GRM7: variants seen among roughly 807,000 people sequenced by gnomAD.
GRM7 encodes the protein metabotropic glutamate receptor 7.
In GRM7, 35 loss-of-function variants were observed where a neutral mutation model predicts 84.5. The observed-to-expected ratio is 0.41, with a 90% CI of 0.32 to 0.55. GRM7 has a LOEUF of 0.55. GRM7 is among the 20% of genes least tolerant of loss of function. GRM7 has a pLI of 0.19. For synonymous variants in GRM7, 487 were observed against 455.1 expected, an observed-to-expected ratio of 1.07 and a Z score of -0.89; for missense variants, 1,003 against 1,194.6, an observed-to-expected ratio of 0.84 and a Z score of 2.36.
chr3:6,941,316 C>A (rs919121112), intron 1 of GRM7, among the ~76,000 whole-genome samples: 3 of 151,952 alleles, frequency 2.0e-5, no homozygotes, highest in Non-Finnish European at 4.4e-5. Context: ...TATTTTTTAC[C>A]CTTTCTTTAT....
intron 2 of GRM7, among the ~76,000 whole-genome samples, chr3:7,238,967 A>T (rs555654225): frequency 0.022 from 1,733 of 79,106 alleles, no homozygotes; most frequent in Middle Eastern, 0.053. Context: ...TTTTTCTTTT[A>T]TTATTCTTTT....
chr3:7,268,939 A>T (rs749596642), intron 2 of GRM7, among the ~76,000 whole-genome samples: 25 of 152,342 alleles, frequency 1.6e-4, no homozygotes, highest in Middle Eastern at 3.4e-3. Context: ...TTTAACAGAT[A>T]TAGAATTGTT....
At chr3:7,226,060 T>C (rs1696971258) in intron 2 of GRM7, among the ~76,000 whole-genome samples, 1 of 152,204 alleles carries the variant, frequency 6.6e-6, no homozygotes, top group African/African-American at 2.4e-5. Context: ...CTTATTTTAG[T>C]TAATTAATAT....
At chr3:7,540,889 T>C (rs1218320981) in intron 7 of GRM7, among the ~76,000 whole-genome samples, 1 of 152,150 alleles carries the variant, frequency 6.6e-6, no homozygotes, top group South Asian at 2.1e-4. Flanking sequence ...GAAAGAATGA[T>C]AGGTATAGGC....
chr3:7,651,719 G>A (rs1698948258), intron 8 of GRM7, among the ~76,000 whole-genome samples: 1 of 152,204 alleles, frequency 6.6e-6, no homozygotes, highest in South Asian at 2.1e-4. Flanking sequence ...AAGCAGCACT[G>A]TGGGGTTTTG....
At chr3:7,482,084 A>G (rs1163301007) in intron 7 of GRM7, among the ~76,000 whole-genome samples, 2 of 152,156 alleles carry the variant, frequency 1.3e-5, no homozygotes, top group African/African-American at 4.8e-5. Flanking sequence ...GCTACCTGGG[A>G]GGCTGAGGCA....
chr3:7,632,504 C>T (rs1447546227), intron 8 of GRM7, among the ~76,000 whole-genome samples: 2 of 152,174 alleles, frequency 1.3e-5, no homozygotes, highest in Admixed American at 1.3e-4. Context: ...GCTGATGATA[C>T]AAAATCAAAA....
intron 8 of GRM7, among the ~76,000 whole-genome samples, chr3:7,596,621 A>T (rs1025865121): frequency 1.3e-5 from 2 of 152,158 alleles, no homozygotes; most frequent in Admixed American, 6.5e-5. Context: ...AGAGGGAATG[A>T]ACCATTGTTT....
chr3:7,255,294 C>T (rs1698154718), intron 2 of GRM7, among the ~76,000 whole-genome samples: 1 of 152,212 alleles, frequency 6.6e-6, no homozygotes, highest in Non-Finnish European at 1.5e-5. Context: ...GACTCTGGAA[C>T]TGCATTAGGT....
At chr3:6,877,368 G>A (rs1695346988) in intron 1 of GRM7, among the ~76,000 whole-genome samples, 2 of 152,124 alleles carry the variant, frequency 1.3e-5, no homozygotes, top group African/African-American at 2.4e-5. Context: ...TTGTTGACTG[G>A]GATTGATGAT....
At chr3:7,616,719 A>G (rs1697097714) in intron 8 of GRM7, among the ~76,000 whole-genome samples, 1 of 152,152 alleles carries the variant, frequency 6.6e-6, no homozygotes, top group Admixed American at 6.6e-5. Flanking sequence ...AAAGTCCTCA[A>G]TCTTTTGATC....
At chr3:7,235,150 A>C (rs907919734) in intron 2 of GRM7, among the ~76,000 whole-genome samples, 3 of 152,230 alleles carry the variant, frequency 2.0e-5, no homozygotes, top group African/African-American at 7.2e-5. Flanking sequence ...TTACCTTACT[A>C]GTTACTACCA....
chr3:7,229,423 T>G (rs1385958144), intron 2 of GRM7, among the ~76,000 whole-genome samples: 2 of 151,798 alleles, frequency 1.3e-5, no homozygotes, highest in Non-Finnish European at 2.9e-5. Context: ...AAGTAACAGG[T>G]CCAACGCCTT....
At chr3:7,503,767 CCAATA>C (rs1699955877) in intron 7 of GRM7, among the ~76,000 whole-genome samples, 1 of 152,134 alleles carries the variant, frequency 6.6e-6, no homozygotes, top group Admixed American at 6.6e-5. Context: ...AGGGACTTAA[CCAATA>C]ACTCCAATTG....
intron 8 of GRM7, among the ~76,000 whole-genome samples, chr3:7,636,079 A>G (rs1209760003): frequency 6.6e-6 from 1 of 152,216 alleles, no homozygotes; most frequent in East Asian, 1.9e-4. Flanking sequence ...CCAATTTTAG[A>G]ACAGAAATTT....
intron 1 of GRM7, among the ~76,000 whole-genome samples, chr3:6,916,820 C>T (rs2125025204): frequency 6.6e-6 from 1 of 152,078 alleles, no homozygotes; most frequent in South Asian, 2.1e-4. Context: ...CATTCAGAAC[C>T]TACTATGTGT....
intron 7 of GRM7, among the ~76,000 whole-genome samples, chr3:7,549,813 T>G (rs532781755): frequency 1.3e-5 from 2 of 152,330 alleles, no homozygotes; most frequent in African/African-American, 4.8e-5. Context: ...AAAATTGACC[T>G]TGTAGAAAAG....
chr3:6,976,008 G>A (rs1198893785), intron 1 of GRM7, among the ~76,000 whole-genome samples: 1 of 152,154 alleles, frequency 6.6e-6, no homozygotes, highest in Non-Finnish European at 1.5e-5. Flanking sequence ...TTAAGATGGA[G>A]TGATTCTACA....
At chr3:7,348,753 CAG>C (rs1693003176) in intron 4 of GRM7, among the ~76,000 whole-genome samples, 4 of 152,116 alleles carry the variant, frequency 2.6e-5, no homozygotes, top group Non-Finnish European at 5.9e-5. Flanking sequence ...TCTACTGAAT[CAG>C]AAACTATAGC....
Sources: gnomAD v4.1 joint callset for allele counts (sites outside exome capture counted in the v4.1 genomes callset) on GRCh38, gnomAD v4.1.1 for gene constraint, MANE v1.5 for transcripts, NCBI Gene and HGNC (gene_info 2026-07-23, HGNC 2026-07-21) for gene names.